Variants in C12orf42 observed in about 807,000 individuals in gnomAD.
C12orf42 encodes uncharacterized protein C12orf42.
In C12orf42, 25 loss-of-function variants were observed where a neutral mutation model predicts 21.6. That is an observed-to-expected ratio of 1.16 (90% CI 0.84 to 1.62). The LOEUF (loss-of-function observed/expected upper bound fraction) is 1.62. Ranked by LOEUF, C12orf42 falls within the 40% of genes most tolerant of loss-of-function variation. The pLI, the probability that C12orf42 is intolerant of heterozygous loss-of-function variation, is 0.00. For synonymous variants in C12orf42, 174 were observed against 175.0 expected (o/e 0.99, Z 0.05); for missense variants, 483 against 459.3 (o/e 1.05, Z -0.47).
At chr12:103,187,194 T>A in the C12orf42 span, among the ~76,000 whole-genome samples, 2 of 152,188 alleles carry the variant, frequency 1.3e-5, no homozygotes, top group Non-Finnish European at 2.9e-5. Context: ...ACTATTTATA[T>A]AATGTTTACC....
At chr12:103,108,338 A>G in the C12orf42 span, among the ~76,000 whole-genome samples, 1 of 151,942 alleles carries the variant, frequency 6.6e-6, no homozygotes, top group African/African-American at 2.4e-5. Flanking sequence ...CTTCATAGCA[A>G]AAGTAGACAA....
At chr12:103,379,077 T>C (rs1023495457) in intron 3 of C12orf42, among the ~76,000 whole-genome samples, 1 of 151,902 alleles carries the variant, frequency 6.6e-6, no homozygotes, top group Non-Finnish European at 1.5e-5. Context: ...TATATAGATA[T>C]AAATATAGAC....
At chr12:103,281,353 T>A (rs2036103393) in intron 4 of C12orf42, among the ~76,000 whole-genome samples, 1 of 152,174 alleles carries the variant, frequency 6.6e-6, no homozygotes, top group Non-Finnish European at 1.5e-5. Context: ...TACTTTTGTA[T>A]CATCCTGACG....
intron 3 of C12orf42, among the ~76,000 whole-genome samples, chr12:103,400,203 C>T (rs1352882052): frequency 6.6e-6 from 1 of 152,156 alleles, no homozygotes; most frequent in African/African-American, 2.4e-5. Flanking sequence ...GGACTGCACT[C>T]ACTTCCCCAT....
chr12:103,397,780 A>T (rs2047660677), intron 3 of C12orf42: 1 of 152,178 alleles, frequency 6.6e-6, no homozygotes, highest in African/African-American at 2.4e-5. Context: ...GGTGAGAGTA[A>T]GGATAAAGAA....
the C12orf42 span, among the ~76,000 whole-genome samples, chr12:103,169,730 A>G: frequency 1.5e-4 from 23 of 152,212 alleles, no homozygotes; most frequent in Non-Finnish European, 2.9e-4. Context: ...ATATATCATT[A>G]AAAAGATATA....
At chr12:103,447,148 T>G (rs773624535) in intron 2 of C12orf42, among the ~76,000 whole-genome samples, 8 of 151,826 alleles carry the variant, frequency 5.3e-5, no homozygotes, top group Non-Finnish European at 1.2e-4. Flanking sequence ...AAAATCAAAA[T>G]TATATAGAGT....
intron 4 of C12orf42, among the ~76,000 whole-genome samples, chr12:103,310,370 C>A (rs1422651342): frequency 6.6e-6 from 1 of 152,152 alleles, no homozygotes; most frequent in Non-Finnish European, 1.5e-5. Flanking sequence ...TGTAAATGAC[C>A]CAGTCTCAGG....
At chr12:103,115,432 T>C in the C12orf42 span, among the ~76,000 whole-genome samples, 1 of 152,178 alleles carries the variant, frequency 6.6e-6, no homozygotes, top group Admixed American at 6.5e-5. Context: ...CACACTAAAG[T>C]CAAAAGAGCA....
intron 5 of C12orf42, among the ~76,000 whole-genome samples, chr12:103,275,639 T>G (rs1480853745): frequency 6.6e-6 from 1 of 151,894 alleles, no homozygotes; most frequent in Non-Finnish European, 1.5e-5. Flanking sequence ...AGAGAAAACT[T>G]ATAGGCCAAT....
intron 1 of C12orf42, among the ~76,000 whole-genome samples, chr12:103,481,557 G>A (rs1954471509): frequency 6.6e-6 from 1 of 151,498 alleles, no homozygotes; most frequent in Admixed American, 6.6e-5. Flanking sequence ...AATTTCCTGG[G>A]GGTTTACTAC....
intron 4 of C12orf42, among the ~76,000 whole-genome samples, chr12:103,341,071 C>T (rs1274466105): frequency 5.7e-5 from 8 of 139,940 alleles, no homozygotes; most frequent in Non-Finnish European, 4.5e-5. Context: ...CAAGATCACA[C>T]CACTGCACTC....
intron 3 of C12orf42, among the ~76,000 whole-genome samples, chr12:103,400,030 G>C (rs2374064): frequency 0.18 from 28,020 of 151,916 alleles, 3,053 homozygotes; most frequent in East Asian, 0.35. Context: ...CAAATAATAC[G>C]AAAGTATTTT....
chr12:103,440,472 A>AAAG (rs1388542100), intron 2 of C12orf42, among the ~76,000 whole-genome samples: 8 of 146,320 alleles, frequency 5.5e-5, no homozygotes, highest in Admixed American at 1.4e-4. Flanking sequence ...AAAAAAAAAA[A>AAAG]AAAAAAAGAA....
intron 2 of C12orf42, among the ~76,000 whole-genome samples, chr12:103,466,826 G>C (rs893251276): frequency 6.6e-6 from 1 of 152,192 alleles, no homozygotes; most frequent in Non-Finnish European, 1.5e-5. Flanking sequence ...GGCTTCAAGG[G>C]GAGGCACTAT....
chr12:103,144,405 C>A, the C12orf42 span, among the ~76,000 whole-genome samples: 2 of 152,166 alleles, frequency 1.3e-5, no homozygotes, highest in African/African-American at 4.8e-5. Context: ...GTCACCTTAG[C>A]AAGACTGAGG....
the C12orf42 span, among the ~76,000 whole-genome samples, chr12:103,141,364 A>C: frequency 6.6e-6 from 1 of 152,318 alleles, no homozygotes; most frequent in South Asian, 2.1e-4. Flanking sequence ...TGTCTTAAAA[A>C]CCAGCTAGTT....
intron 1 of C12orf42, among the ~76,000 whole-genome samples, chr12:103,488,659 T>C (rs1237842022): frequency 2.0e-5 from 3 of 152,226 alleles, no homozygotes; most frequent in Non-Finnish European, 4.4e-5. Flanking sequence ...CTTTTTACTC[T>C]TTTTTCTCTA....
At chr12:103,313,492 C>A (rs1462499692) in intron 4 of C12orf42, among the ~76,000 whole-genome samples, 1 of 152,194 alleles carries the variant, frequency 6.6e-6, no homozygotes, top group African/African-American at 2.4e-5. Context: ...CAAATCTATG[C>A]TTTTCCCCTT....
Sources: allele counts gnomAD v4.1 joint callset (sites outside exome capture counted in the v4.1 genomes callset), GRCh38; gene constraint gnomAD v4.1.1; transcripts MANE v1.5; gene names NCBI Gene and HGNC (gene_info 2026-07-23, HGNC 2026-07-21).